PPFIA2: variants seen among roughly 807,000 people sequenced by gnomAD.
PPFIA2 encodes the protein liprin-alpha-2.
Under a neutral mutation model 175.5 loss-of-function variants are expected in PPFIA2, and 46 were observed. The ratio of observed to expected loss-of-function variants is 0.26; its 90% CI spans 0.21 to 0.34. PPFIA2 has a LOEUF of 0.34. Ranked by LOEUF, PPFIA2 falls within the 10% of genes least tolerant of loss-of-function variation. The probability of loss-of-function intolerance (pLI) is 1.00; values close to 1 mark genes in which losing one functional copy is unlikely to be tolerated. For synonymous variants in PPFIA2, 568 were observed against 511.4 expected (o/e 1.11, Z -1.49); for missense variants, 1,179 against 1,506.1 (o/e 0.78, Z 3.60).
chr12:81,443,761 T>C (rs987372074), intron 6 of PPFIA2, among the ~76,000 whole-genome samples: 2 of 151,770 alleles, frequency 1.3e-5, no homozygotes, highest in Non-Finnish European at 2.9e-5. Flanking sequence ...TTATTTTCTG[T>C]GTGGGTCCTG....
chr12:81,410,730 G>C (rs919875373), intron 7 of PPFIA2, among the ~76,000 whole-genome samples: 2 of 151,932 alleles, frequency 1.3e-5, no homozygotes, highest in African/African-American at 4.8e-5. Context: ...TGGCAAATGG[G>C]TGGGCACATG....
intron 25 of PPFIA2, among the ~76,000 whole-genome samples, chr12:81,283,550 C>T (rs1416186745): frequency 6.6e-6 from 1 of 151,934 alleles, no homozygotes; most frequent in Admixed American, 6.6e-5. Flanking sequence ...GAAATTAGTA[C>T]ATGACATTGG....
At chr12:81,529,918 T>C (rs1882531) in intron 4 of PPFIA2, among the ~76,000 whole-genome samples, 48,396 of 151,736 alleles carry the variant, frequency 0.32, 8,089 homozygotes, top group African/African-American at 0.41. Flanking sequence ...AAAAAAACCA[T>C]GGCACAAGTT....
intron 4 of PPFIA2, among the ~76,000 whole-genome samples, chr12:81,474,683 G>T (rs991052463): frequency 3.9e-5 from 6 of 152,140 alleles, no homozygotes; most frequent in African/African-American, 1.4e-4. Flanking sequence ...CTTAACTGCT[G>T]TGAAATATAA....
intron 4 of PPFIA2, among the ~76,000 whole-genome samples, chr12:81,612,242 C>T (rs1156899620): frequency 6.6e-6 from 1 of 152,154 alleles, no homozygotes; most frequent in Non-Finnish European, 1.5e-5. Flanking sequence ...CAATCCACAG[C>T]TGGCTATGCA....
At chr12:81,630,526 A>G (rs1207677617) in intron 4 of PPFIA2, among the ~76,000 whole-genome samples, 1 of 152,218 alleles carries the variant, frequency 6.6e-6, no homozygotes, top group East Asian at 1.9e-4. Flanking sequence ...TCAAAAGGAC[A>G]AATATCTCCT....
At chr12:81,582,891 C>T (rs2074628314) in intron 4 of PPFIA2, among the ~76,000 whole-genome samples, 2 of 151,720 alleles carry the variant, frequency 1.3e-5, no homozygotes, top group South Asian at 4.1e-4. Flanking sequence ...TAACATTAAG[C>T]AAAGTACAAT....
At chr12:81,658,195 G>A (rs1312220778) in intron 4 of PPFIA2, among the ~76,000 whole-genome samples, 1 of 150,598 alleles carries the variant, frequency 6.6e-6, no homozygotes, top group Non-Finnish European at 1.5e-5. Flanking sequence ...TTGAACCCAG[G>A]AGGCAGAGGT....
At position 81,294,491 on chromosome 12, in the gene PPFIA2, AAGGAAGGAAGGG is replaced by A. The variant is rs368499754; in HGVS notation, c.2925+332_2925+343del. On this transcript the variant is annotated intron_variant, in intron 24 of 32. Transcript: ENST00000549396. ...GAAGGAAGGAAGGAAGGAAGGAAAG[AAGGAAGGAAGGG>A]AGGGAGGAAGGGAGGGAGGAACAAA... 215 of 188,082 alleles carry A rather than the reference AAGGAAGGAAGGG, an allele frequency of 1.1e-3. 1 individual carries two copies. Among genetic ancestry groups the A allele is most frequent in the African/African-American group, 5.4e-3 (207 of 38,514 alleles). The allele number at this position is 188,082 out of a possible 1,614,324, so 11.7% of individuals were successfully genotyped here.
chr12:81,443,975 C>G (rs1245990117), intron 6 of PPFIA2, among the ~76,000 whole-genome samples: 1 of 149,976 alleles, frequency 6.7e-6, no homozygotes, highest in Non-Finnish European at 1.5e-5. Flanking sequence ...CTGCCTCAGC[C>G]TCCCCAGTAG....
rs150477688 is a variant in PPFIA2 at position 81,422,447 on chromosome 12, G to A, written c.646-16544C>T. Among the ~76,000 whole-genome samples the A allele has an allele frequency of 1.0e-3, 155 of 152,146 alleles. 2 individuals carry two copies. In the East Asian group the frequency reaches 0.029, roughly 28 times the overall value. Reference sequence around the variant, plus strand: ...TTAAGGGCAGAATTTATAATTAAAAGGAAAGCAGAGTGAAAAACCTTGGAA... The same window carrying A: ...TTAAGGGCAGAATTTATAATTAAAAAGAAAGCAGAGTGAAAAACCTTGGAA... On this transcript the variant is annotated intron_variant, in intron 7 of 32. Coordinates refer to ENST00000549396, the MANE Select transcript of PPFIA2 (RefSeq NM_003625.5).
intron 7 of PPFIA2, among the ~76,000 whole-genome samples, chr12:81,437,710 A>G (rs1210510910): frequency 6.6e-6 from 1 of 152,200 alleles, no homozygotes. Flanking sequence ...TCCAAAATGA[A>G]TGTAATTTTA....
chr12:81,266,646 AACTTTTTTCTAATTTT>A, intron 30 of PPFIA2, among the ~76,000 whole-genome samples: 1 of 152,302 alleles, frequency 6.6e-6, no homozygotes, highest in East Asian at 1.9e-4. Context: ...TTAGTGTTTT[AACTTTTTTCTAATTTT>A]TTAAAATAAT....
intron 24 of PPFIA2, among the ~76,000 whole-genome samples, chr12:81,288,623 T>G (rs1294759333): frequency 6.6e-6 from 1 of 151,814 alleles, no homozygotes; most frequent in Admixed American, 6.6e-5. Flanking sequence ...GACCTCAGAA[T>G]AATCCTAAAT....
chr12:81,426,345 C>A (rs751909170), intron 7 of PPFIA2, among the ~76,000 whole-genome samples: 1 of 152,110 alleles, frequency 6.6e-6, no homozygotes, highest in East Asian at 1.9e-4. Context: ...GATCTGTAAC[C>A]TTTACCTATA....
At chr12:81,688,251 T>G (rs1294021774) in intron 3 of PPFIA2, among the ~76,000 whole-genome samples, 1 of 152,012 alleles carries the variant, frequency 6.6e-6, no homozygotes, top group Non-Finnish European at 1.5e-5. Flanking sequence ...CCTCTTTAAA[T>G]GTGTTATTTG....
intron 16 of PPFIA2, among the ~76,000 whole-genome samples, chr12:81,356,925 T>C (rs140089705): frequency 6.6e-6 from 1 of 152,320 alleles, no homozygotes; most frequent in African/African-American, 2.4e-5. Flanking sequence ...TTTAAATGGA[T>C]ACAAGAAATC....
chr12:81,295,360 G>A (rs913574930), intron 23 of PPFIA2, among the ~76,000 whole-genome samples: 6 of 152,164 alleles, frequency 3.9e-5, no homozygotes, highest in Non-Finnish European at 8.8e-5. Flanking sequence ...GGACCAGAAC[G>A]GCTACAAGCC....
At chr12:81,626,347 C>T (rs750040925) in intron 4 of PPFIA2, among the ~76,000 whole-genome samples, 2 of 151,922 alleles carry the variant, frequency 1.3e-5, no homozygotes, top group Admixed American at 6.6e-5. Context: ...CCTATTCCAA[C>T]TTATAAAACC....
Sources: allele counts gnomAD v4.1 joint callset (sites outside exome capture counted in the v4.1 genomes callset), GRCh38; gene constraint gnomAD v4.1.1; transcripts MANE v1.5; gene names NCBI Gene and HGNC (gene_info 2026-07-23, HGNC 2026-07-21).